The following CTNNA3 variants were observed in gnomAD, a reference collection of about 807,000 sequenced individuals.
CTNNA3 encodes the protein catenin alpha 3.
In CTNNA3, 76 loss-of-function variants were observed where a neutral mutation model predicts 95.7. That is an observed-to-expected ratio of 0.79 (90% CI 0.66 to 0.96). The LOEUF (loss-of-function observed/expected upper bound fraction) is 0.96, where lower values mean the gene tolerates loss of function less well. Ranked by LOEUF, CTNNA3 falls within the 40% of genes least tolerant of loss-of-function variation. The probability of loss-of-function intolerance (pLI) is 0.00; values close to 1 mark genes in which losing one functional copy is unlikely to be tolerated. For missense variants in CTNNA3, 1,191 were observed against 1,089.8 expected, an observed-to-expected ratio of 1.09 and a Z score of -1.31; for synonymous variants, 431 against 374.4, an observed-to-expected ratio of 1.15 and a Z score of -1.74.
At chr10:67,424,142 T>C (rs1420139410) in intron 5 of CTNNA3, among the ~76,000 whole-genome samples, 1 of 152,148 alleles carries the variant, frequency 6.6e-6, no homozygotes, top group Non-Finnish European at 1.5e-5. Flanking sequence ...TATCTGTAGG[T>C]GTGCGACTGA....
intron 7 of CTNNA3, among the ~76,000 whole-genome samples, chr10:67,070,228 T>G (rs938588424): frequency 3.9e-5 from 6 of 152,228 alleles, no homozygotes; most frequent in Admixed American, 1.3e-4. Context: ...AGACTTTTAC[T>G]CACTTTTTTA....
chr10:66,872,875 T>A lies in CTNNA3; in HGVS notation c.1048-97351A>T, dbSNP rs905426172. ...CTTCCCTGTCTAGCAGTCCTCAGTG[T>A]CTACTGTTGCCATCTTTATGTCCAT... On this transcript the variant is annotated intron_variant, in intron 7 of 17. Coordinates refer to ENST00000433211, the MANE Select transcript of CTNNA3 (RefSeq NM_013266.4). Among the ~76,000 whole-genome samples, 6 of 152,022 alleles carry A rather than the reference T, an allele frequency of 3.9e-5. No homozygotes were observed. The East Asian group carries it at 1.2e-3, about 29-fold the overall frequency.
chr10:66,671,750 C>T (rs1394156201), intron 9 of CTNNA3, among the ~76,000 whole-genome samples: 4 of 152,082 alleles, frequency 2.6e-5, no homozygotes, highest in Non-Finnish European at 5.9e-5. Flanking sequence ...GATTTCAGTC[C>T]CATTTGTCAC....
At chr10:66,719,815 A>G (rs1316532879) in intron 9 of CTNNA3, among the ~76,000 whole-genome samples, 1 of 152,046 alleles carries the variant, frequency 6.6e-6, no homozygotes, top group Non-Finnish European at 1.5e-5. Flanking sequence ...GAGGGGAGAT[A>G]TGTTTTTTGG....
At chr10:67,644,378 GTTGT>G (rs1001810404) in intron 2 of CTNNA3, among the ~76,000 whole-genome samples, 3 of 151,852 alleles carry the variant, frequency 2.0e-5, no homozygotes, top group African/African-American at 7.3e-5. Flanking sequence ...TTTTGATGGA[GTTGT>G]TTGTTTTTTC....
intron 3 of CTNNA3, among the ~76,000 whole-genome samples, chr10:67,567,208 A>G (rs979059469): frequency 1.3e-5 from 2 of 151,684 alleles, no homozygotes; most frequent in Non-Finnish European, 2.9e-5. Context: ...TGCAACAACT[A>G]TATTTCCAAT....
intron 1 of CTNNA3, among the ~76,000 whole-genome samples, chr10:67,678,953 A>G (rs917885412): frequency 2.0e-5 from 3 of 152,206 alleles, no homozygotes; most frequent in Non-Finnish European, 4.4e-5. Context: ...TCCCCCAGAC[A>G]GATTTCATAT....
intron 10 of CTNNA3, among the ~76,000 whole-genome samples, chr10:66,529,453 T>TTTG (rs1564514288): frequency 7.4e-5 from 11 of 148,260 alleles, no homozygotes; most frequent in African/African-American, 2.1e-4. Flanking sequence ...TTTTTTTGTT[T>TTTG]TTTTTTTTTA....
At chr10:66,412,679 T>C (rs2093116476) in intron 11 of CTNNA3, among the ~76,000 whole-genome samples, 1 of 152,030 alleles carries the variant, frequency 6.6e-6, no homozygotes, top group Non-Finnish European at 1.5e-5. Flanking sequence ...CAGGATGGTC[T>C]CGATCTCCCG....
rs547995949 is a variant in CTNNA3, at chr10:66,157,885, G to A, written c.1885-54636C>T. ...AGGAGTAAGGTGGTATCGCATTGTG[G>A]TTTTGATTTGCATTTTCCTGATCAT... On this transcript the variant is annotated intron_variant, in intron 13 of 17. Coordinates refer to ENST00000433211, the MANE Select transcript of CTNNA3 (RefSeq NM_013266.4). 6.2e-4 allele frequency among the ~76,000 whole-genome samples: 94 copies of A among 152,030 alleles called. 1 individual carries two copies. The highest frequency in any genetic ancestry group is 2.0e-3 in the African/African-American group (83 of 41,508).
At chr10:66,576,600 C>A (rs967239069) in intron 10 of CTNNA3, among the ~76,000 whole-genome samples, 2 of 151,982 alleles carry the variant, frequency 1.3e-5, no homozygotes, top group Admixed American at 1.3e-4. Flanking sequence ...TCTGTTCCTG[C>A]ACTAGTTTGC....
chr10:66,881,513 T>A (rs1379149277), intron 7 of CTNNA3, among the ~76,000 whole-genome samples: 1 of 152,114 alleles, frequency 6.6e-6, no homozygotes, highest in African/African-American at 2.4e-5. Flanking sequence ...CCATATAACA[T>A]GATTCTACTA....
chr10:66,787,034 A>G (rs995909359), intron 7 of CTNNA3, among the ~76,000 whole-genome samples: 27 of 152,296 alleles, frequency 1.8e-4, no homozygotes, highest in African/African-American at 6.5e-4. Flanking sequence ...TCCTAAGACT[A>G]ATTCCAAGTA....
chr10:66,057,091 C>T (rs1209227962), intron 15 of CTNNA3, among the ~76,000 whole-genome samples: 1 of 152,134 alleles, frequency 6.6e-6, no homozygotes, highest in Non-Finnish European at 1.5e-5. Flanking sequence ...AACAGTATCC[C>T]ATCAGAAAAT....
intron 10 of CTNNA3, among the ~76,000 whole-genome samples, chr10:66,594,496 C>A (rs1166940291): frequency 3.9e-5 from 6 of 152,114 alleles, no homozygotes; most frequent in African/African-American, 1.4e-4. Flanking sequence ...GCCCTATCTT[C>A]CCTATTCCCT....
chr10:66,032,147 A>T (rs1045181893), intron 15 of CTNNA3, among the ~76,000 whole-genome samples: 5 of 152,148 alleles, frequency 3.3e-5, no homozygotes, highest in Non-Finnish European at 5.9e-5. Flanking sequence ...GGACATTTTT[A>T]AAAAATATAT....
chr10:67,343,729 T>C (rs1378988434), intron 5 of CTNNA3, among the ~76,000 whole-genome samples: 1 of 151,788 alleles, frequency 6.6e-6, no homozygotes, highest in Non-Finnish European at 1.5e-5. Flanking sequence ...TCCTTTCCAA[T>C]TGGATGCTCT....
At chr10:66,695,864 A>G (rs552121787) in intron 9 of CTNNA3, among the ~76,000 whole-genome samples, 1 of 147,050 alleles carries the variant, frequency 6.8e-6, no homozygotes, top group African/African-American at 2.5e-5. Flanking sequence ...TGTATGGTCC[A>G]AAACTAATGG....
chr10:67,241,519 T>C (rs1308464865), intron 5 of CTNNA3, among the ~76,000 whole-genome samples: 1 of 152,142 alleles, frequency 6.6e-6, no homozygotes, highest in African/African-American at 2.4e-5. Flanking sequence ...CAAAAATCAA[T>C]AAATATTTTT....
Sources: allele counts gnomAD v4.1 joint callset (sites outside exome capture counted in the v4.1 genomes callset), GRCh38; gene constraint gnomAD v4.1.1; transcripts MANE v1.5; gene names NCBI Gene and HGNC (gene_info 2026-07-23, HGNC 2026-07-21).